The following PCLO variants were observed in gnomAD, a reference collection of about 807,000 sequenced individuals.
PCLO encodes protein piccolo.
PCLO carries 82 observed loss-of-function variants against 427.5 expected under a neutral mutation model. That is an observed-to-expected ratio of 0.19 (90% CI 0.16 to 0.23). The LOEUF (loss-of-function observed/expected upper bound fraction) is 0.23, where lower values mean the gene tolerates loss of function less well. Ranked by LOEUF, PCLO falls within the 10% of genes least tolerant of loss-of-function variation. The pLI, the probability that PCLO is intolerant of heterozygous loss-of-function variation, is 1.00. For synonymous variants in PCLO, 2,357 were observed against 2,155.4 expected, an observed-to-expected ratio of 1.09 and a Z score of -2.59; for missense variants, 6,239 against 6,115.9, an observed-to-expected ratio of 1.02 and a Z score of -0.67.
intron 10 of PCLO, among the ~76,000 whole-genome samples, chr7:82,860,367 T>C (rs1221994007): frequency 6.6e-6 from 1 of 152,086 alleles, no homozygotes; most frequent in African/African-American, 2.4e-5. Context: ...AGCAGACTTT[T>C]CAGTGGAAAC....
chr7:82,848,350 G>A (rs1233777735), intron 10 of PCLO, among the ~76,000 whole-genome samples: 1 of 120,088 alleles, frequency 8.3e-6, no homozygotes, highest in Non-Finnish European at 1.6e-5. Flanking sequence ...CCACTCTGTC[G>A]CCCAGACTGG....
At position 83,034,950 on chromosome 7, in the gene PCLO, C is replaced by T. The variant is rs557394185; in HGVS notation, c.3301-68463G>A. Among the ~76,000 whole-genome samples the T allele has an allele frequency of 2.1e-4, 32 of 152,270 alleles. No homozygotes were observed. In the East Asian group the frequency reaches 5.2e-3, roughly 25 times the overall value. On this transcript the variant is annotated intron_variant, in intron 3 of 24. Coordinates refer to ENST00000333891, the MANE Select transcript of PCLO (RefSeq NM_033026.6). ...AAATGTTTCTTACTGCTGAGGATAACGCTCCAACTGGTCTCTGTCAGTCAA... is the reference window on the plus strand; with the variant it reads ...AAATGTTTCTTACTGCTGAGGATAATGCTCCAACTGGTCTCTGTCAGTCAA...
At chr7:83,005,625 A>C (rs182803032) in intron 3 of PCLO, among the ~76,000 whole-genome samples, 1 of 151,788 alleles carries the variant, frequency 6.6e-6, no homozygotes, top group Admixed American at 6.6e-5. Context: ...AAAAGTAACT[A>C]TATGAAGTGA....
intron 3 of PCLO, among the ~76,000 whole-genome samples, chr7:83,043,207 T>C (rs1789014916): frequency 6.6e-6 from 1 of 152,172 alleles, no homozygotes; most frequent in Non-Finnish European, 1.5e-5. Context: ...TAACCACTGC[T>C]TTAACATTAG....
intron 3 of PCLO, among the ~76,000 whole-genome samples, chr7:83,064,197 T>A (rs1789607850): frequency 6.6e-6 from 1 of 151,984 alleles, no homozygotes; most frequent in Non-Finnish European, 1.5e-5. Context: ...AATAAACACT[T>A]AAATATACCA....
rs1583936946 is a variant in PCLO, at chr7:82,754,423, T to C, written c.*4152A>G. On this transcript the variant is annotated 3_prime_UTR_variant, in exon 25 of 25. Transcript: ENST00000333891. ...AGAAAATTTTTTCTTAAACCTCATATGTGTTTTTAGGATATTAGCACACAC... is the reference window on the plus strand; with the variant it reads ...AGAAAATTTTTTCTTAAACCTCATACGTGTTTTTAGGATATTAGCACACAC... 1 of 152,164 alleles carries C rather than the reference T, an allele frequency of 6.6e-6. No individual in the cohort carries two copies. The highest frequency in any genetic ancestry group is 1.9e-4 in the East Asian group (1 of 5,194). 9.4% of individuals were successfully genotyped at this position (152,164 alleles called of 1,614,324 possible). A position where few individuals can be genotyped will look rare whatever the true frequency, so the allele number is the denominator to read the frequency against.
chr7:82,862,587 A>AAAAAG (rs1554343276), intron 10 of PCLO, among the ~76,000 whole-genome samples: 1 of 147,042 alleles, frequency 6.8e-6, no homozygotes, highest in African/African-American at 2.5e-5. Flanking sequence ...AAAAAAAAAA[A>AAAAAG]GAATTGGAAG....
chr7:82,864,857 T>C (rs745537279), intron 10 of PCLO, among the ~76,000 whole-genome samples: 1 of 152,150 alleles, frequency 6.6e-6, no homozygotes, highest in Non-Finnish European at 1.5e-5. Flanking sequence ...TTATTAATTC[T>C]TACATGAAAT....
At chr7:82,866,914 C>T (rs1469614432) in intron 10 of PCLO, among the ~76,000 whole-genome samples, 6 of 152,030 alleles carry the variant, frequency 3.9e-5, no homozygotes, top group Non-Finnish European at 5.9e-5. Flanking sequence ...TTAGAAACTA[C>T]CTGAAGGTTA....
intron 20 of PCLO, among the ~76,000 whole-genome samples, chr7:82,811,926 T>C (rs1325009869): frequency 1.3e-5 from 2 of 151,038 alleles, no homozygotes; most frequent in Non-Finnish European, 3.0e-5. Flanking sequence ...ATTACAGATA[T>C]ATTTTATATA....
At chr7:82,839,983 C>A (rs1291838345) in intron 14 of PCLO, among the ~76,000 whole-genome samples, 1 of 151,912 alleles carries the variant, frequency 6.6e-6, no homozygotes, top group Non-Finnish European at 1.5e-5. Context: ...GGGTAAATTT[C>A]AACTACAGAA....
Position 82,879,372 on chromosome 7 carries a change from C to T in PCLO, c.13619G>A (p.Gly4540Glu). The change falls in exon 10 of 25, where the codon GGG becomes GAG. Residue 4540 changes from glycine (G) to glutamate (E), a missense_variant. Gly to Glu is a moderately conservative substitution (Grantham distance 98). This residue lies in a region of PCLO where 877 missense variants were observed against 925.5 expected (regional missense o/e 0.95). Coordinates refer to ENST00000333891, the MANE Select transcript of PCLO (RefSeq NM_033026.6). ...CTTCCCCGTCTGTTCCGCACTTCCC[C>T]CAGGAAGAATCTTGGCAATATAGGC... ...IGAYIAKILP[G>E]GSAEQTGKLM... is the part of the protein sequence containing the mutation. 6.2e-7 allele frequency: 1 copy of T among 1,612,512 alleles called. No homozygotes were observed. Among genetic ancestry groups the T allele is most frequent in the South Asian group, 1.1e-5 (1 of 90,970 alleles).
intron 3 of PCLO, among the ~76,000 whole-genome samples, chr7:83,130,546 A>C (rs767818690): frequency 1.3e-5 from 2 of 152,100 alleles, no homozygotes; most frequent in African/African-American, 4.8e-5. Flanking sequence ...ATTTCTTCTT[A>C]TTGATAATTC....
chr7:83,143,611 A>G (rs1364924839), intron 2 of PCLO, among the ~76,000 whole-genome samples: 2 of 151,532 alleles, frequency 1.3e-5, no homozygotes, highest in Non-Finnish European at 2.9e-5. Context: ...AAGTGATAAA[A>G]GCATATTTTA....
In PCLO at chr7:83,155,320, C is replaced by G. The variant is rs536190573; in HGVS notation, c.1321G>C (p.Val441Leu). 32 of 1,613,356 alleles carry G rather than the reference C, an allele frequency of 2.0e-5. No homozygotes were observed. The highest frequency in any genetic ancestry group is 2.7e-5 in the Non-Finnish European group (32 of 1,179,778). Residue 441 changes from valine (V) to leucine (L), a missense_variant, in exon 2 of 25, where the codon GTT (valine) becomes CTT (leucine). By Grantham distance (32) the Val-to-Leu change is conservative (BLOSUM62 1). Transcript: ENST00000333891. ...AKAPGPTKTPVQQPGPGKIPA... is the reference protein window; with the variant it reads ...AKAPGPTKTPLQQPGPGKIPA... ...ATCTTTCCTGGCCCAGGCTGCTGAACTGGAGTCTTTGTAGGCCCAGGTGCC... is the reference window on the plus strand; with the variant it reads ...ATCTTTCCTGGCCCAGGCTGCTGAAGTGGAGTCTTTGTAGGCCCAGGTGCC...
At position 83,156,403 on chromosome 7, in the gene PCLO, TAA is replaced by T. The variant is rs71074628; in HGVS notation, c.249-13_249-12del. ...TCCAACTCTTGTTTCCTAGAAGAGT[TAA>T]AAAAAAAAAAAAAAATCAAGTGAAA... On this transcript the variant is annotated splice_polypyrimidine_tract_variant and intron_variant, in intron 1 of 24. Transcript: ENST00000333891. The T allele has an allele frequency of 0.016, 16,470 of 1,030,688 alleles. 4 individuals are homozygous for T. The highest frequency in any genetic ancestry group is 0.027 in the African/African-American group (1,520 of 57,202). The allele number at this position is 1,030,688 out of a possible 1,614,324, so 63.8% of individuals were successfully genotyped here. A position where few individuals can be genotyped will look rare whatever the true frequency, so the allele number is the denominator to read the frequency against.
chr7:82,874,260 A>T (rs1420760631), intron 10 of PCLO, among the ~76,000 whole-genome samples: 1 of 152,066 alleles, frequency 6.6e-6, no homozygotes, highest in Non-Finnish European at 1.5e-5. Context: ...AAGGAAAAAA[A>T]ACTGACAAGG....
intron 3 of PCLO, among the ~76,000 whole-genome samples, chr7:83,038,472 T>G (rs1788888562): frequency 6.6e-6 from 1 of 151,928 alleles, no homozygotes; most frequent in Middle Eastern, 3.2e-3. Flanking sequence ...ATGAATTGAA[T>G]TATAAAATAT....
chr7:82,951,464 T>G lies in PCLO; in HGVS notation c.9124A>C (p.Thr3042Pro), dbSNP rs1181742833. The G allele has an allele frequency of 6.3e-7, 1 of 1,577,646 alleles. No homozygotes were observed. The highest frequency in any genetic ancestry group is 8.6e-7 in the Non-Finnish European group (1 of 1,160,160). ...CGTGTTTCTGGATATGGACCTGTAG[T>G]CTTGCTTGAATAATCCATTACCTCA... is the stretch of plus-strand genomic sequence containing the variant. Reference protein sequence around the residue: ...TGEVMDYSSKTTGPYPETRQV... With the variant: ...TGEVMDYSSKPTGPYPETRQV... The change falls in exon 6 of 25, where the codon ACT (threonine) becomes CCT (proline). Residue 3042 changes from threonine (T) to proline (P), a missense_variant. By Grantham distance (38) the Thr-to-Pro change is conservative (BLOSUM62 -1). Coordinates refer to ENST00000333891, the MANE Select transcript of PCLO (RefSeq NM_033026.6).
Sources: gnomAD v4.1 joint callset for allele counts (sites outside exome capture counted in the v4.1 genomes callset) on GRCh38, gnomAD v4.1.1 for gene constraint, gnomAD v4.1.1 regional missense constraint, MANE v1.5 for transcripts, NCBI Gene and HGNC (gene_info 2026-07-23, HGNC 2026-07-21) for gene names.